ALK: variants seen among roughly 807,000 people sequenced by gnomAD.
ALK encodes ALK tyrosine kinase receptor.
ALK carries 74 observed loss-of-function variants against 163.1 expected under a neutral mutation model. The observed-to-expected ratio is 0.45, with a 90% CI of 0.38 to 0.55. The LOEUF is 0.55. Among genes scored for constraint, ALK ranks in the 20% least tolerant of loss-of-function variants. The pLI, the probability that ALK is intolerant of heterozygous loss-of-function variation, is 0.00. For missense variants in ALK, 2,063 were observed against 2,105.3 expected (o/e 0.98, Z 0.39); for synonymous variants, 960 against 843.2 (o/e 1.14, Z -2.40).
chr2:29,445,196 T>A (rs10178471), intron 4 of ALK, among the ~76,000 whole-genome samples: 1 of 152,062 alleles, frequency 6.6e-6, no homozygotes, highest in Non-Finnish European at 1.5e-5. Context: ...AATTAATAAT[T>A]AGGCAGAGGT....
chr2:29,268,692 C>T (rs186115074), intron 11 of ALK, among the ~76,000 whole-genome samples: 38 of 152,312 alleles, frequency 2.5e-4, no homozygotes, highest in African/African-American at 9.1e-4. Context: ...GCAGCAAGAG[C>T]TTCTCCCTTA....
chr2:29,437,892 A>T (rs963287114), intron 4 of ALK, among the ~76,000 whole-genome samples: 6 of 152,240 alleles, frequency 3.9e-5, no homozygotes, highest in Non-Finnish European at 5.9e-5. Flanking sequence ...AGATTCAAAC[A>T]GTCATTTATA....
chr2:29,878,138 C>G (rs1369573848), intron 1 of ALK, among the ~76,000 whole-genome samples: 1 of 152,130 alleles, frequency 6.6e-6, no homozygotes, highest in African/African-American at 2.4e-5. Context: ...CAGGATCAAT[C>G]AAGTACACAG....
chr2:29,460,382 A>T (rs900197415), intron 4 of ALK, among the ~76,000 whole-genome samples: 3 of 152,146 alleles, frequency 2.0e-5, no homozygotes, highest in African/African-American at 7.2e-5. Flanking sequence ...AGTCATATAC[A>T]CATGCAGGCA....
At chr2:29,229,133 G>A (rs1209462071) in intron 15 of ALK, 67 bp from the exon 16 acceptor site, 15 of 1,509,358 alleles carry the variant, frequency 9.9e-6, no homozygotes, top group Admixed American at 6.8e-5. Context: ...GCTGGCCAGA[G>A]AAGCAGGATG....
At chr2:29,807,575 G>T (rs73922300) in intron 1 of ALK, among the ~76,000 whole-genome samples, 13,547 of 152,214 alleles carry the variant, frequency 0.089, 1,777 homozygotes, top group African/African-American at 0.29. Flanking sequence ...CCTGGAAGTT[G>T]TTTGAAGGTA....
chr2:29,561,460 C>A (rs1323336831), intron 3 of ALK, among the ~76,000 whole-genome samples: 2 of 152,166 alleles, frequency 1.3e-5, no homozygotes, highest in Non-Finnish European at 2.9e-5. Context: ...AAGCTGCTGG[C>A]CTTTTGCAAG....
intron 3 of ALK, among the ~76,000 whole-genome samples, chr2:29,683,021 A>G (rs1678122827): frequency 6.6e-6 from 1 of 152,192 alleles, no homozygotes; most frequent in Non-Finnish European, 1.5e-5. Flanking sequence ...ATAAGAATCA[A>G]CTAGGAAAGG....
At chr2:29,281,349 C>T (rs965206917) in intron 9 of ALK, among the ~76,000 whole-genome samples, 3 of 152,138 alleles carry the variant, frequency 2.0e-5, no homozygotes, top group Admixed American at 6.5e-5. Flanking sequence ...TCTCTGTGGG[C>T]AGCCTGGTCA....
At chr2:29,734,018 C>T (rs1024165928) in intron 1 of ALK, among the ~76,000 whole-genome samples, 12 of 152,052 alleles carry the variant, frequency 7.9e-5, no homozygotes, top group Admixed American at 6.6e-4. Context: ...TGTCAGTCTG[C>T]GAGCCAGCAA....
At chr2:29,465,931 C>T (rs539386220) in intron 4 of ALK, among the ~76,000 whole-genome samples, 1 of 151,824 alleles carries the variant, frequency 6.6e-6, no homozygotes, top group African/African-American at 2.4e-5. Flanking sequence ...AAATGTATTA[C>T]AATAATAGCA....
intron 1 of ALK, among the ~76,000 whole-genome samples, chr2:29,876,477 G>A (rs1666714581): frequency 6.6e-6 from 1 of 151,722 alleles, no homozygotes; most frequent in Non-Finnish European, 1.5e-5. Context: ...TGATGATGGT[G>A]GTGATGGTGA....
At chr2:29,356,141 G>A (rs1430836054) in intron 5 of ALK, among the ~76,000 whole-genome samples, 1 of 152,180 alleles carries the variant, frequency 6.6e-6, no homozygotes, top group Non-Finnish European at 1.5e-5. Context: ...CTGTCCTGAT[G>A]CAGCCTGGGC....
chr2:29,555,594 T>C (rs999596442), intron 3 of ALK, among the ~76,000 whole-genome samples: 1 of 152,198 alleles, frequency 6.6e-6, no homozygotes, highest in Non-Finnish European at 1.5e-5. Context: ...TTGGTTTGGA[T>C]TTAATGAATA....
intron 3 of ALK, among the ~76,000 whole-genome samples, chr2:29,555,577 C>G (rs1193728209): frequency 1.3e-5 from 2 of 152,156 alleles, no homozygotes; most frequent in Non-Finnish European, 2.9e-5. Flanking sequence ...CTCTCCTTCC[C>G]CTTCCCTTGG....
chr2:29,740,121 G>A lies in ALK; in HGVS notation c.668-22424C>T, dbSNP rs141816950. ...GAGAGCTACTGCATTCTGATGTGAG[G>A]TCAGAGGCTGTTGTTTCAAGTCTCT... is the stretch of plus-strand genomic sequence containing the variant. On this transcript the variant is annotated intron_variant, in intron 1 of 28. Coordinates refer to ENST00000389048, the MANE Select transcript of ALK (RefSeq NM_004304.5). Among the ~76,000 whole-genome samples the A allele has an allele frequency of 2.4e-4, 37 of 152,182 alleles. 1 individual carries two copies. The East Asian group carries it at 7.1e-3, about 29-fold the overall frequency.
rs1161936241 is a variant in ALK, at chr2:29,830,955, AAAGAAGAAGAAGAAGAAGAAG to A, written c.667+89017_667+89037del. The stretch of plus-strand genomic sequence containing the variant: ...GAAGAAGAAGAAGAAAAGAAGAAGA[AAAGAAGAAGAAGAAGAAGAAG>A]AAGAAGAAGAAGAAGAAGAAGAAGA... On this transcript the variant is annotated intron_variant, in intron 1 of 28. Transcript: ENST00000389048. Among the ~76,000 whole-genome samples the A allele has an allele frequency of 1.4e-3, 38 of 27,742 alleles. 3 individuals carry two copies. Among genetic ancestry groups the A allele is most frequent in the African/African-American group, 3.2e-3 (27 of 8,410 alleles). 18.2% of individuals were successfully genotyped at this position (27,742 alleles called of 152,430 possible). A position where few individuals can be genotyped will look rare whatever the true frequency, so the allele number is the denominator to read the frequency against.
At chr2:29,220,467 T>A (rs2148165745) in intron 23 of ALK, among the ~76,000 whole-genome samples, 1 of 152,332 alleles carries the variant, frequency 6.6e-6, no homozygotes. Context: ...AAGAATGGAC[T>A]AATACAAATG....
intron 19 of ALK, among the ~76,000 whole-genome samples, chr2:29,225,048 G>T (rs1663908524): frequency 6.6e-6 from 1 of 152,236 alleles, no homozygotes. Context: ...CTGGAGGGTG[G>T]TGGAGGGCTG....
Sources: allele counts gnomAD v4.1 joint callset (sites outside exome capture counted in the v4.1 genomes callset), GRCh38; gene constraint gnomAD v4.1.1; transcripts MANE v1.5; gene names NCBI Gene and HGNC (gene_info 2026-07-23, HGNC 2026-07-21).